NELL1: variants seen among roughly 807,000 people sequenced by gnomAD.
NELL1 encodes protein kinase C-binding protein NELL1.
Under a neutral mutation model 107.4 loss-of-function variants are expected in NELL1, and 76 were observed. The ratio of observed to expected loss-of-function variants is 0.71; its 90% CI spans 0.59 to 0.86. The LOEUF is 0.86. Among genes scored for constraint, NELL1 ranks in the 40% least tolerant of loss-of-function variants. The probability of loss-of-function intolerance (pLI) is 0.00; values close to 1 mark genes in which losing one functional copy is unlikely to be tolerated. For missense variants in NELL1, 1,024 were observed against 1,005.5 expected (o/e 1.02, Z -0.25); for synonymous variants, 353 against 341.2 (o/e 1.03, Z -0.38).
At chr11:20,969,141 G>A (rs1367475544) in intron 12 of NELL1, among the ~76,000 whole-genome samples, 1 of 152,112 alleles carries the variant, frequency 6.6e-6, no homozygotes, top group Non-Finnish European at 1.5e-5. Flanking sequence ...AGACCAGATA[G>A]GATTTGACTA....
chr11:20,714,022 G>A (rs143879755), intron 2 of NELL1, among the ~76,000 whole-genome samples: 168 of 152,094 alleles, frequency 1.1e-3, no homozygotes, highest in Non-Finnish European at 1.9e-3. Context: ...CTGTCTCCCA[G>A]AGTTTGCTTC....
At chr11:20,983,056 T>C (rs1214189362) in intron 12 of NELL1, among the ~76,000 whole-genome samples, 1 of 152,200 alleles carries the variant, frequency 6.6e-6, no homozygotes, top group East Asian at 1.9e-4. Context: ...CAGTAAGACT[T>C]GGGTTCCAAT....
intron 14 of NELL1, among the ~76,000 whole-genome samples, chr11:21,238,487 G>A (rs552135367): frequency 2.6e-5 from 4 of 152,024 alleles, no homozygotes; most frequent in Non-Finnish European, 4.4e-5. Context: ...TCACTGAGAA[G>A]GATGACCAGA....
At chr11:21,260,318 G>A (rs1227239619) in intron 14 of NELL1, 2 of 151,842 alleles carry the variant, frequency 1.3e-5, no homozygotes, top group Admixed American at 6.6e-5. Context: ...TATTGTGGCT[G>A]CCTAAGGATA....
intron 12 of NELL1, among the ~76,000 whole-genome samples, chr11:21,002,577 G>T (rs994174523): frequency 6.6e-6 from 1 of 152,160 alleles, no homozygotes; most frequent in Non-Finnish European, 1.5e-5. Context: ...AAGTCTCCAT[G>T]GGCCTGCATT....
Position 20,683,112 on chromosome 11 carries a change from A to G in NELL1, c.184+5052A>G, listed in dbSNP as rs78077782. ...ATTCTTTGTTCCCTTTCCCCTCTTT[A>G]TGTCTTCTTTTGGATTAATTGAATA... On this transcript the variant is annotated intron_variant, in intron 2 of 19. Transcript: ENST00000357134. Among the ~76,000 whole-genome samples, 131 of 150,518 alleles carry G rather than the reference A, an allele frequency of 8.7e-4. 1 individual carries two copies. In the East Asian group the frequency reaches 0.024, roughly 28 times the overall value.
chr11:20,816,482 TG>T (rs1481372783), intron 3 of NELL1, among the ~76,000 whole-genome samples: 1 of 152,234 alleles, frequency 6.6e-6, no homozygotes, highest in Non-Finnish European at 1.5e-5. Flanking sequence ...TGCTGATTTT[TG>T]TACATTGATT....
At chr11:21,129,278 C>G (rs1488191660) in intron 13 of NELL1, among the ~76,000 whole-genome samples, 1 of 152,052 alleles carries the variant, frequency 6.6e-6, no homozygotes, top group Non-Finnish European at 1.5e-5. Context: ...GGAACTGGAA[C>G]CCTCGTGCAC....
chr11:21,555,884 G>A (rs1856692310), intron 16 of NELL1, among the ~76,000 whole-genome samples: 1 of 151,820 alleles, frequency 6.6e-6, no homozygotes, highest in African/African-American at 2.4e-5. Flanking sequence ...TAGTCTGTGT[G>A]CTAAAGGGAA....
chr11:21,043,857 C>T (rs903440086), intron 12 of NELL1, among the ~76,000 whole-genome samples: 5 of 152,022 alleles, frequency 3.3e-5, no homozygotes, highest in South Asian at 2.1e-4. Flanking sequence ...CTTTAGTAAC[C>T]GCAGATAATG....
intron 15 of NELL1, among the ~76,000 whole-genome samples, chr11:21,393,298 A>G (rs1454910257): frequency 1.3e-5 from 2 of 151,704 alleles, no homozygotes; most frequent in Non-Finnish European, 2.9e-5. Flanking sequence ...ACCAGGGAGA[A>G]CTGAGAAATA....
chr11:20,938,898 T>TTCTCTCTCTCTCTCTCTCTC (rs1554947402), intron 10 of NELL1, among the ~76,000 whole-genome samples: 1 of 104,866 alleles, frequency 9.5e-6, no homozygotes, highest in African/African-American at 3.9e-5. Context: ...AAGCTCTCTC[T>TTCTCTCTCTCTCTCTCTCTC]TCTCTCTCTG....
At chr11:20,807,845 G>T (rs1857418170) in intron 3 of NELL1, among the ~76,000 whole-genome samples, 2 of 152,164 alleles carry the variant, frequency 1.3e-5, no homozygotes, top group Non-Finnish European at 2.9e-5. Context: ...CAGGCCCATG[G>T]AAGTAGTGCC....
Position 20,915,699 on chromosome 11 carries a change from T to TTATATATATATATATATATATA in NELL1, c.604-2483_604-2482insTATATATATATATATATATATA, listed in dbSNP as rs1242467428. Among the ~76,000 whole-genome samples, 26 of 20,378 alleles carry TTATATATATATATATATATATA rather than the reference T, an allele frequency of 1.3e-3. 1 individual carries two copies. The highest frequency in any genetic ancestry group is 7.7e-3 in the East Asian group (3 of 392). The allele number at this position is 20,378 out of a possible 152,430, so 13.4% of individuals were successfully genotyped here. ...TTTCATCTGTGGAAATCCTCATAGA[T>TTATATATATATATATATATATA]GATATATATATATATATATTTTTTT... On this transcript the variant is annotated intron_variant, in intron 5 of 19. Coordinates refer to ENST00000357134, the MANE Select transcript of NELL1 (RefSeq NM_006157.5).
intron 2 of NELL1, among the ~76,000 whole-genome samples, chr11:20,756,791 C>T (rs1304397407): frequency 6.6e-6 from 1 of 152,098 alleles, no homozygotes; most frequent in African/African-American, 2.4e-5. Flanking sequence ...TGCCACATAT[C>T]CCTGAGAGAG....
intron 12 of NELL1, among the ~76,000 whole-genome samples, chr11:21,065,979 G>T (rs2134370374): frequency 6.6e-6 from 1 of 152,250 alleles, no homozygotes; most frequent in East Asian, 1.9e-4. Context: ...TCCTAATTCA[G>T]TTGTAATTTT....
intron 12 of NELL1, among the ~76,000 whole-genome samples, chr11:21,093,437 A>C (rs1854566770): frequency 6.6e-6 from 1 of 152,134 alleles, no homozygotes; most frequent in African/African-American, 2.4e-5. Context: ...GTCCCCAACA[A>C]AGATTGTACT....
chr11:21,438,625 A>G (rs1376739916), intron 15 of NELL1, among the ~76,000 whole-genome samples: 2 of 152,020 alleles, frequency 1.3e-5, no homozygotes. Flanking sequence ...ATCATATTGC[A>G]TATGTCATGC....
chr11:20,972,492 A>G (rs571138485), intron 12 of NELL1, among the ~76,000 whole-genome samples: 1 of 152,236 alleles, frequency 6.6e-6, no homozygotes, highest in Non-Finnish European at 1.5e-5. Context: ...GTGGGGTGGT[A>G]TAGGAAATTC....
Sources: allele counts gnomAD v4.1 joint callset (sites outside exome capture counted in the v4.1 genomes callset), GRCh38; gene constraint gnomAD v4.1.1; transcripts MANE v1.5; gene names NCBI Gene and HGNC (gene_info 2026-07-23, HGNC 2026-07-21).